ECPAS: variants seen among roughly 807,000 people sequenced by gnomAD.
ECPAS encodes Ecm29 proteasome adaptor and scaffold.
ECPAS carries 70 observed loss-of-function variants against 255.1 expected under a neutral mutation model. That is an observed-to-expected ratio of 0.27 (90% CI 0.23 to 0.33). The LOEUF is 0.33. ECPAS is among the 10% of genes least tolerant of loss of function. The pLI is 1.00. For synonymous variants in ECPAS, 784 were observed against 775.0 expected (o/e 1.01, Z -0.19); for missense variants, 1,817 against 2,206.4 (o/e 0.82, Z 3.54).
Position 111,436,963 on chromosome 9 carries a change from A to C in ECPAS, c.685T>G (p.Trp229Gly). The C allele has an allele frequency of 1.2e-6, 2 of 1,610,700 alleles. No individual in the cohort carries two copies. The highest frequency in any genetic ancestry group is 1.7e-6 in the Non-Finnish European group (2 of 1,178,678). Residue 229 changes from tryptophan (W) to glycine (G), a missense_variant, in exon 7 of 50, where the codon TGG (tryptophan) becomes GGG (glycine). Physicochemically the swap from Trp to Gly is radical, Grantham distance 184 (BLOSUM62 -2). Around this residue, in one of 4 missense-constraint regions of ECPAS, gnomAD observed 573 missense variants for 716.2 expected, o/e 0.80. Transcript: ENST00000684092. ...ACCTGTTCCAATTGTTCAGGTGTCCATGGGTTATCACCAATAACTCGTTTG... is the reference window on the plus strand; with the variant it reads ...ACCTGTTCCAATTGTTCAGGTGTCCCTGGGTTATCACCAATAACTCGTTTG... Reference protein sequence around the residue: ...AAKRVIGDNPWTPEQLEQCKL... With the variant: ...AAKRVIGDNPGTPEQLEQCKL...
chr9:111,481,878 G>A (rs542025755), intron 1 of ECPAS, among the ~76,000 whole-genome samples: 1 of 152,318 alleles, frequency 6.6e-6, no homozygotes, highest in South Asian at 2.1e-4. Context: ...ATTCACACGA[G>A]GTAGGAAGAA....
intron 7 of ECPAS, 79 bp from the exon 8 acceptor site, chr9:111,433,451 A>C: frequency 6.7e-7 from 1 of 1,495,460 alleles, no homozygotes; most frequent in Non-Finnish European, 9.2e-7. Flanking sequence ...TTAACATATC[A>C]GTGTGGTCAC....
At chr9:111,477,840 G>A (rs2098298349) in intron 1 of ECPAS, among the ~76,000 whole-genome samples, 1 of 150,686 alleles carries the variant, frequency 6.6e-6, no homozygotes, top group African/African-American at 2.4e-5. Flanking sequence ...TTTGTGAAAG[G>A]ATAACAAATG....
chr9:111,483,552 G>GGGGAGGGAACGA, intron 1 of ECPAS: 1 of 964,492 alleles, frequency 1.0e-6, no homozygotes. Context: ...ATGTTGCGCC[G>GGGGAGGGAACGA]GGGAGGGAAC....
At chr9:111,480,437 A>G (rs2098303071) in intron 1 of ECPAS, among the ~76,000 whole-genome samples, 1 of 151,596 alleles carries the variant, frequency 6.6e-6, no homozygotes, top group African/African-American at 2.4e-5. Flanking sequence ...ACCTGGGACT[A>G]CAGGCACGTG....
At position 111,414,437 on chromosome 9, in the gene ECPAS, C is replaced by A; in HGVS notation, c.1979G>T (p.Gly660Val). The stretch of plus-strand genomic sequence containing the variant: ...GCGTCACATATTCCTACCTCCAACA[C>A]CTGCTAACAGCTGCTGAAGCAGGCC... Reference protein sequence around the residue: ...YIGLLQQLLAGVGGLPVMYCL... With the variant: ...YIGLLQQLLAVVGGLPVMYCL... The change falls in exon 19 of 50, where the codon GGT becomes GTT. Residue 660 changes from glycine (G) to valine (V), a missense_variant. By Grantham distance (109) the Gly-to-Val change is moderately radical. Transcript: ENST00000684092. 6.2e-7 allele frequency: 1 copy of A among 1,613,800 alleles called. No individual in the cohort carries two copies.
intron 24 of ECPAS, among the ~76,000 whole-genome samples, chr9:111,401,560 T>C (rs1472886560): frequency 6.6e-6 from 1 of 152,188 alleles, no homozygotes; most frequent in African/African-American, 2.4e-5. Context: ...GAGCAGACAA[T>C]TAGTCTGACT....
intron 8 of ECPAS, 22 bp from the exon 9 acceptor site, chr9:111,430,650 G>C (rs1213875352): frequency 6.7e-7 from 1 of 1,499,966 alleles, no homozygotes; most frequent in Non-Finnish European, 9.1e-7. Context: ...TTCAACACAG[G>C]TTGTTAAAAT....
intron 1 of ECPAS, among the ~76,000 whole-genome samples, chr9:111,480,017 A>C (rs945728264): frequency 2.0e-5 from 3 of 152,060 alleles, no homozygotes; most frequent in Non-Finnish European, 4.4e-5. Flanking sequence ...ATTTTTAAAA[A>C]TCTACTGAGA....
intron 1 of ECPAS, 184 bp downstream of exon 1, chr9:111,483,932 G>C: frequency 1.2e-6 from 1 of 823,482 alleles, no homozygotes; most frequent in South Asian, 5.2e-5. Flanking sequence ...CCCCCCCGCC[G>C]GGCCCCTCGC....
chr9:111,399,365 A>G (rs1191287630), intron 24 of ECPAS, among the ~76,000 whole-genome samples: 1 of 152,232 alleles, frequency 6.6e-6, no homozygotes, highest in East Asian at 1.9e-4. Context: ...AGTGGGAAGT[A>G]CACACTGCCT....
At chr9:111,444,079 C>T (rs1253011379) in intron 4 of ECPAS, among the ~76,000 whole-genome samples, 1 of 152,126 alleles carries the variant, frequency 6.6e-6, no homozygotes, top group African/African-American at 2.4e-5. Context: ...TTCATACAGT[C>T]TCCTACCAAA....
intron 7 of ECPAS, among the ~76,000 whole-genome samples, chr9:111,434,724 G>C (rs2098235209): frequency 6.6e-6 from 1 of 151,490 alleles, no homozygotes. Flanking sequence ...CCAGCAGCTG[G>C]GGCTACAGGC....
At chr9:111,457,196 G>A (rs1564558544) in intron 2 of ECPAS, among the ~76,000 whole-genome samples, 1 of 152,162 alleles carries the variant, frequency 6.6e-6, no homozygotes, top group Non-Finnish European at 1.5e-5. Flanking sequence ...AAAGCAGACT[G>A]TACAGGGTAG....
chr9:111,451,258 G>A (rs2098259946), intron 3 of ECPAS, among the ~76,000 whole-genome samples, 167 bp downstream of exon 3: 1 of 152,118 alleles, frequency 6.6e-6, no homozygotes, highest in South Asian at 2.1e-4. Flanking sequence ...AAGGATACAA[G>A]AGCTACTTTT....
In ECPAS at chr9:111,412,046, C is replaced by T. The variant is rs1218021429; in HGVS notation, c.2182G>A (p.Glu728Lys). ...VSGNELKSMIEQLIKTTKDNH... is the reference protein window; with the variant it reads ...VSGNELKSMIKQLIKTTKDNH... ...TCTTTTGTAGTCTTTATAAGCTGTT[C>T]TATCATTGATTTCAACTCATTCCCC... The change falls in exon 21 of 50, where the codon GAA becomes AAA. Residue 728 changes from glutamate (E) to lysine (K), a missense_variant. By Grantham distance (56) the Glu-to-Lys change is moderately conservative. Around this residue, in one of 4 missense-constraint regions of ECPAS, gnomAD observed 194 missense variants for 152.8 expected, o/e 1.27. Transcript: ENST00000684092. 1 of 1,585,326 alleles carries T rather than the reference C, an allele frequency of 6.3e-7. No individual in the cohort carries two copies. The highest frequency in any genetic ancestry group is 8.5e-7 in the Non-Finnish European group (1 of 1,172,102).
intron 24 of ECPAS, among the ~76,000 whole-genome samples, chr9:111,407,422 AAAAAAAAAAAAAAAAAC>A (rs1228736161): frequency 8.3e-5 from 12 of 144,238 alleles, no homozygotes; most frequent in African/African-American, 2.3e-4. Flanking sequence ...AAAAAAAAAA[AAAAAAAAAAAAAAAAAC>A]CTAGAAGAAA....
At chr9:111,368,745 C>T (rs886102165) in intron 46 of ECPAS, among the ~76,000 whole-genome samples, 8 of 152,172 alleles carry the variant, frequency 5.3e-5, no homozygotes, top group African/African-American at 9.7e-5. Flanking sequence ...ACCCTGCTGA[C>T]GCCTTGATCT....
At chr9:111,483,062 G>A (rs1462538612) in intron 1 of ECPAS, among the ~76,000 whole-genome samples, 1 of 152,196 alleles carries the variant, frequency 6.6e-6, no homozygotes, top group African/African-American at 2.4e-5. Context: ...GTCACAAAAA[G>A]GCACCTTCTC....
Sources: allele counts gnomAD v4.1 joint callset (sites outside exome capture counted in the v4.1 genomes callset), GRCh38; gene constraint gnomAD v4.1.1; regional missense constraint gnomAD v4.1.1; transcripts MANE v1.5; gene names NCBI Gene and HGNC (gene_info 2026-07-23, HGNC 2026-07-21).